MLLT3: variants seen among roughly 807,000 people sequenced by gnomAD.
MLLT3 encodes the protein MLLT3 super elongation complex subunit.
In MLLT3, 4 loss-of-function variants were observed where a neutral mutation model predicts 53.2. That is an observed-to-expected ratio of 0.08 (90% CI 0.04 to 0.17). The LOEUF is 0.17. Among genes scored for constraint, MLLT3 ranks in the 10% least tolerant of loss-of-function variants. MLLT3 has a pLI of 1.00. For missense variants in MLLT3, 569 were observed against 684.0 expected, an observed-to-expected ratio of 0.83 and a Z score of 1.87; for synonymous variants, 283 against 230.6, an observed-to-expected ratio of 1.23 and a Z score of -2.06.
intron 4 of MLLT3, among the ~76,000 whole-genome samples, chr9:20,441,292 G>A (rs1479264432): frequency 6.6e-6 from 1 of 152,136 alleles, no homozygotes; most frequent in East Asian, 1.9e-4. Context: ...TGCAATCAAC[G>A]TGTGTGACTT....
chr9:20,350,900 T>C (rs1821010205), intron 10 of MLLT3, among the ~76,000 whole-genome samples: 5 of 152,220 alleles, frequency 3.3e-5, no homozygotes, highest in Admixed American at 2.6e-4. Flanking sequence ...TCTTTCCATG[T>C]GAAGCAGCCT....
rs117169652 is a variant in MLLT3, at chr9:20,481,303, T to G, written c.194-24517A>C. On this transcript the variant is annotated intron_variant, in intron 2 of 10. Coordinates refer to ENST00000380338, the MANE Select transcript of MLLT3 (RefSeq NM_004529.4). ...CATTAAGATTTTGGCCAAATCCTGA[T>G]TTAATTTCCCGATCGCTGTCACAGG... Among the ~76,000 whole-genome samples the G allele has an allele frequency of 1.1e-3, 163 of 152,320 alleles. 1 individual carries two copies. The South Asian group carries it at 0.017, about 16-fold the overall frequency.
intron 2 of MLLT3, among the ~76,000 whole-genome samples, chr9:20,569,939 G>T (rs1262870371): frequency 6.6e-6 from 1 of 152,126 alleles, no homozygotes; most frequent in Non-Finnish European, 1.5e-5. Flanking sequence ...GCAGAAAAAT[G>T]AACCGTTGGC....
At chr9:20,363,674 G>A in intron 6 of MLLT3, 69 bp from the exon 7 acceptor site, 1 of 1,501,060 alleles carries the variant, frequency 6.7e-7, no homozygotes, top group Non-Finnish European at 9.1e-7. Context: ...ATTAGAAACA[G>A]GGGGATGCTT....
At chr9:20,359,985 C>T (rs1273034407) in intron 8 of MLLT3, among the ~76,000 whole-genome samples, 1 of 152,188 alleles carries the variant, frequency 6.6e-6, no homozygotes, top group Non-Finnish European at 1.5e-5. Flanking sequence ...ATTTATTTAA[C>T]AAATGCTCTT....
intron 10 of MLLT3, among the ~76,000 whole-genome samples, chr9:20,349,595 G>T (rs571118808): frequency 6.6e-6 from 1 of 151,942 alleles, no homozygotes; most frequent in Admixed American, 6.6e-5. Flanking sequence ...CAATATAGTT[G>T]TTCCCTAATT....
At chr9:20,464,333 A>T (rs1287303171) in intron 2 of MLLT3, among the ~76,000 whole-genome samples, 1 of 152,174 alleles carries the variant, frequency 6.6e-6, no homozygotes, top group African/African-American at 2.4e-5. Context: ...AGTCCTGCTC[A>T]GTCTAACCAG....
chr9:20,555,875 G>A (rs1006595936), intron 2 of MLLT3, among the ~76,000 whole-genome samples: 2 of 152,198 alleles, frequency 1.3e-5, no homozygotes, highest in African/African-American at 4.8e-5. Context: ...AATTACAGGA[G>A]CATCCATTCT....
At chr9:20,586,400 AG>A (rs200504703) in intron 2 of MLLT3, among the ~76,000 whole-genome samples, 19,879 of 146,240 alleles carry the variant, frequency 0.14, 1,761 homozygotes, top group Non-Finnish European at 0.2. Context: ...GTGACTGGAA[AG>A]AAAAAAAAAA....
chr9:20,396,160 G>GTT (rs397779919), intron 5 of MLLT3, among the ~76,000 whole-genome samples: 29 of 148,912 alleles, frequency 1.9e-4, no homozygotes, highest in East Asian at 5.9e-4. Context: ...TATTTTCAGG[G>GTT]TTTTTTTTTT....
Position 20,387,710 on chromosome 9 carries a change from T to G in MLLT3, c.1126-21966A>C, listed in dbSNP as rs996501437. On this transcript the variant is annotated intron_variant, in intron 5 of 10. Coordinates refer to ENST00000380338, the MANE Select transcript of MLLT3 (RefSeq NM_004529.4). ...ACAAATGAAAGTCTCATCAATAAAA[T>G]ATAATAAATTACTCTCTACCAGATA... Among the ~76,000 whole-genome samples the G allele has an allele frequency of 2.6e-5, 4 of 152,188 alleles. No homozygotes were observed. The South Asian group carries it at 8.3e-4, about 31-fold the overall frequency.
At chr9:20,556,861 A>T (rs1819071909) in intron 2 of MLLT3, among the ~76,000 whole-genome samples, 1 of 152,164 alleles carries the variant, frequency 6.6e-6, no homozygotes, top group Non-Finnish European at 1.5e-5. Context: ...ATTATGTAAA[A>T]GGCCTATTTT....
intron 5 of MLLT3, among the ~76,000 whole-genome samples, chr9:20,385,946 C>G (rs1280404649): frequency 6.6e-6 from 1 of 152,120 alleles, no homozygotes; most frequent in Non-Finnish European, 1.5e-5. Flanking sequence ...CTGCAATCTG[C>G]CTTCTGAGAT....
intron 4 of MLLT3, among the ~76,000 whole-genome samples, chr9:20,427,721 G>A (rs1197029257): frequency 6.6e-6 from 1 of 151,940 alleles, no homozygotes; most frequent in Non-Finnish European, 1.5e-5. Flanking sequence ...ATTAAAAAAA[G>A]AGCTAGTGGT....
chr9:20,591,876 G>C (rs985576266), intron 2 of MLLT3, among the ~76,000 whole-genome samples: 1 of 152,136 alleles, frequency 6.6e-6, no homozygotes, highest in Non-Finnish European at 1.5e-5. Flanking sequence ...ATGTTAAACA[G>C]AATGAAGCCA....
At chr9:20,369,028 A>G (rs1821525953) in intron 5 of MLLT3, among the ~76,000 whole-genome samples, 1 of 152,180 alleles carries the variant, frequency 6.6e-6, no homozygotes, top group Non-Finnish European at 1.5e-5. Context: ...CACAGCCTAC[A>G]GCCCCACCCA....
At chr9:20,393,168 A>G (rs1822231151) in intron 5 of MLLT3, among the ~76,000 whole-genome samples, 1 of 152,166 alleles carries the variant, frequency 6.6e-6, no homozygotes, top group Non-Finnish European at 1.5e-5. Context: ...TTAAAAAAAA[A>G]TGCTGATGAG....
intron 4 of MLLT3, 101 bp from the exon 5 acceptor site, chr9:20,414,526 C>T (rs1822825219): frequency 5.9e-6 from 9 of 1,536,242 alleles, no homozygotes; most frequent in Non-Finnish European, 7.9e-6. Context: ...TCCTCTCAAG[C>T]TATCATTAAA....
At position 20,455,712 on chromosome 9, in the gene MLLT3, T is replaced by C. The variant is rs146676062; in HGVS notation, c.276+992A>G. 5.0e-4 allele frequency among the ~76,000 whole-genome samples: 76 copies of C among 152,312 alleles called. 1 individual carries two copies. The highest frequency in any genetic ancestry group is 3.4e-3 in the Middle Eastern group (1 of 294). Reference sequence around the variant, plus strand: ...ATCTCTGGAGGAAAAATAAGGAATATGATATAATAATTAGCATTTTGAAGT... The same window carrying C: ...ATCTCTGGAGGAAAAATAAGGAATACGATATAATAATTAGCATTTTGAAGT... On this transcript the variant is annotated intron_variant, in intron 3 of 10. Coordinates refer to ENST00000380338, the MANE Select transcript of MLLT3 (RefSeq NM_004529.4).
Sources: allele counts gnomAD v4.1 joint callset (sites outside exome capture counted in the v4.1 genomes callset), GRCh38; gene constraint gnomAD v4.1.1; transcripts MANE v1.5; gene names NCBI Gene and HGNC (gene_info 2026-07-23, HGNC 2026-07-21).